SYNE1: variants seen among roughly 807,000 people sequenced by gnomAD.
SYNE1 encodes the protein spectrin repeat containing nuclear envelope protein 1, also known as nesprin-1.
SYNE1 carries 616 observed loss-of-function variants against 1,111.0 expected under a neutral mutation model. That is an observed-to-expected ratio of 0.55 (90% CI 0.52 to 0.59). The LOEUF (loss-of-function observed/expected upper bound fraction) is 0.59. Ranked by LOEUF, SYNE1 falls within the 20% of genes least tolerant of loss-of-function variation. SYNE1 has a pLI of 0.00. For missense variants in SYNE1, 10,006 were observed against 10,417.0 expected (o/e 0.96, Z 1.72); for synonymous variants, 3,855 against 3,825.8 (o/e 1.01, Z -0.28).
intron 75 of SYNE1, among the ~76,000 whole-genome samples, 199 bp from the exon 76 acceptor site, chr6:152,337,216 T>A (rs1167094701): frequency 4.6e-5 from 7 of 152,252 alleles, no homozygotes; most frequent in Middle Eastern, 3.4e-3. Flanking sequence ...TTTAAAAAAA[T>A]GTAGGGTTCC....
chr6:152,605,525 A>AC (rs2099612441), intron 3 of SYNE1, among the ~76,000 whole-genome samples: 2 of 152,168 alleles, frequency 1.3e-5, no homozygotes, highest in Admixed American at 1.3e-4. Flanking sequence ...CAAACATATA[A>AC]AAGTTCACAT....
chr6:152,485,024 G>A (rs2098931834), intron 12 of SYNE1, 52 bp from the exon 13 acceptor site: 8 of 1,575,456 alleles, frequency 5.1e-6, no homozygotes, highest in Non-Finnish European at 6.9e-6. Flanking sequence ...AAAAGCAAAA[G>A]CAAAGGAAAG....
chr6:152,256,590 G>C, intron 102 of SYNE1, 44 bp downstream of exon 102: 1 of 1,611,252 alleles, frequency 6.2e-7, no homozygotes, highest in Non-Finnish European at 8.5e-7. Flanking sequence ...AGCAAAACAA[G>C]ACTCTTATAA....
chr6:152,471,283 A>C (rs2098804117), intron 16 of SYNE1, among the ~76,000 whole-genome samples: 1 of 152,214 alleles, frequency 6.6e-6, no homozygotes, highest in African/African-American at 2.4e-5. Flanking sequence ...GGTGACCTCC[A>C]ATAAAAAATG....
intron 3 of SYNE1, among the ~76,000 whole-genome samples, chr6:152,564,289 A>G (rs2099404207): frequency 1.3e-5 from 2 of 152,110 alleles, no homozygotes; most frequent in South Asian, 4.2e-4. Context: ...ACTCATTTAG[A>G]GTAAGAAATG....
intron 47 of SYNE1, 133 bp from the exon 48 acceptor site, chr6:152,399,956 C>G (rs566470220): frequency 9.6e-7 from 1 of 1,038,898 alleles, no homozygotes; most frequent in African/African-American, 1.6e-5. Context: ...CATTTTGGTG[C>G]GTTTTTGAGT....
In SYNE1 at chr6:152,416,632, G is replaced by GT; in HGVS notation, c.5804dup (p.Tyr1935Ter). 6.2e-7 allele frequency: 1 copy of GT among 1,614,188 alleles called. No individual in the cohort carries two copies. Among genetic ancestry groups the GT allele is most frequent in the Non-Finnish European group, 8.5e-7 (1 of 1,180,032 alleles). ...GCTCAGAGCTCCCGATTTTCAGATG[G>GT]TATTGGGCTTTGGAAAGAATGCCAT... Reference protein sequence around the residue: ...SLDGILSKAQYHLKIGSSEQR... With the variant: ...SLDGILSKAQ The change falls in exon 41 of 146, where the codon TAC becomes TAAC. Residue 1935 changes from tyrosine to a stop codon, truncating the protein, a stop_gained and frameshift_variant. Coordinates refer to ENST00000367255, the MANE Select transcript of SYNE1 (RefSeq NM_182961.4). LOFTEE classifies it high-confidence loss of function.
chr6:152,198,821 C>T (rs997710940), intron 127 of SYNE1, among the ~76,000 whole-genome samples: 24 of 152,126 alleles, frequency 1.6e-4, no homozygotes, highest in Middle Eastern at 3.4e-3. Context: ...CATCAAAGGT[C>T]ACACTGACTG....
At chr6:152,309,686 A>G in intron 90 of SYNE1, 149 bp downstream of exon 90, 1 of 999,324 alleles carries the variant, frequency 1.0e-6, no homozygotes, top group Non-Finnish European at 1.5e-6. Context: ...AAATGACAGC[A>G]TTTTAATCTC....
intron 3 of SYNE1, among the ~76,000 whole-genome samples, chr6:152,563,196 T>C (rs928122790): frequency 6.6e-6 from 1 of 152,144 alleles, no homozygotes; most frequent in Non-Finnish European, 1.5e-5. Context: ...CTGATTTTGG[T>C]AAATTATCCT....
At chr6:152,334,616 G>A (rs1028530428) in intron 76 of SYNE1, among the ~76,000 whole-genome samples, 1 of 152,136 alleles carries the variant, frequency 6.6e-6, no homozygotes, top group Admixed American at 6.5e-5. Context: ...TGTTTTCTAA[G>A]AATTTTTAAG....
rs764325885 is a variant in SYNE1, at chr6:152,390,428, C to T, written c.8029G>A (p.Gly2677Arg). ...IQDILLMKGE[G>R]EVKLNMAIGK... ...ATGGCCATATTCAACTTAACTTCCCCTTCACCTTTCATCAGGAGAATATCC... is the reference window on the plus strand; with the variant it reads ...ATGGCCATATTCAACTTAACTTCCCTTTCACCTTTCATCAGGAGAATATCC... The change falls in exon 53 of 146, where the codon GGG (glycine) becomes AGG (arginine). Residue 2677 changes from glycine to arginine, a missense_variant. This residue lies in a region of SYNE1 where 4,955 missense variants were observed against 5,017.2 expected (regional missense o/e 0.99). Coordinates refer to ENST00000367255, the MANE Select transcript of SYNE1 (RefSeq NM_182961.4). 1 of 1,614,068 alleles carries T rather than the reference C, an allele frequency of 6.2e-7. No individual in the cohort carries two copies. Among genetic ancestry groups the T allele is most frequent in the Non-Finnish European group, 8.5e-7 (1 of 1,180,012 alleles).
chr6:152,445,427 GT>G (rs2098575123), intron 29 of SYNE1, among the ~76,000 whole-genome samples: 1 of 151,790 alleles, frequency 6.6e-6, no homozygotes, highest in Non-Finnish European at 1.5e-5. Context: ...CTCTATTTCA[GT>G]TTTACCAACA....
chr6:152,431,845 G>C (rs944547358), intron 34 of SYNE1, among the ~76,000 whole-genome samples: 3 of 151,980 alleles, frequency 2.0e-5, no homozygotes. Flanking sequence ...ATCAATATTT[G>C]TTATTTGAGC....
chr6:152,549,543 TAGGC>T (rs2099330037), intron 3 of SYNE1, among the ~76,000 whole-genome samples: 1 of 152,234 alleles, frequency 6.6e-6, no homozygotes, highest in Admixed American at 6.5e-5. Context: ...GCCTGTCTCC[TAGGC>T]CTTTCCTGTT....
Position 152,498,735 on chromosome 6 carries a change from A to C in SYNE1, c.939+7T>G. 6.4e-7 allele frequency: 1 copy of C among 1,551,346 alleles called. No individual in the cohort carries two copies. ...AGGTCATCAATGCAAGATTACTTAAATCTTACCTTAAAATTTTGTACAGAA... is the reference window on the plus strand; with the variant it reads ...AGGTCATCAATGCAAGATTACTTAACTCTTACCTTAAAATTTTGTACAGAA... On this transcript the variant is annotated splice_region_variant and intron_variant, in intron 11 of 145. Transcript: ENST00000367255.
chr6:152,536,388 A>T (rs866266846), intron 4 of SYNE1, among the ~76,000 whole-genome samples: 4,252 of 119,592 alleles, frequency 0.036, 248 homozygotes, highest in African/African-American at 0.12. Flanking sequence ...ATATATATAT[A>T]TTTATATATA....
intron 3 of SYNE1, among the ~76,000 whole-genome samples, chr6:152,540,597 ATG>A (rs2099264677): frequency 6.6e-6 from 1 of 152,248 alleles, no homozygotes; most frequent in African/African-American, 2.4e-5. Context: ...TGTCGGCAGA[ATG>A]TGGGTAGAAC....
At chr6:152,563,826 T>C (rs1595454303) in intron 3 of SYNE1, among the ~76,000 whole-genome samples, 1 of 152,206 alleles carries the variant, frequency 6.6e-6, no homozygotes, top group East Asian at 1.9e-4. Flanking sequence ...ATTTCTGATT[T>C]GTTCTTTGAA....
Sources: allele counts gnomAD v4.1 joint callset (sites outside exome capture counted in the v4.1 genomes callset), GRCh38; gene constraint gnomAD v4.1.1; regional missense constraint gnomAD v4.1.1; transcripts MANE v1.5; gene names NCBI Gene and HGNC (gene_info 2026-07-23, HGNC 2026-07-21).